ASB3: variants seen among roughly 807,000 people sequenced by gnomAD.
The protein encoded by ASB3 is ankyrin repeat and SOCS box protein 3.
In ASB3, 41 loss-of-function variants were observed where a neutral mutation model predicts 54.5. The observed-to-expected ratio is 0.75, with a 90% CI of 0.59 to 0.98. The LOEUF (loss-of-function observed/expected upper bound fraction) is 0.98, where lower values mean the gene tolerates loss of function less well. Among genes scored for constraint, ASB3 ranks in the 50% least tolerant of loss-of-function variants. The pLI, the probability that ASB3 is intolerant of heterozygous loss-of-function variation, is 0.00. For missense variants in ASB3, 733 were observed against 620.0 expected (o/e 1.18, Z -1.94); for synonymous variants, 266 against 221.2 (o/e 1.20, Z -1.80).
chr2:53,693,718 A>G (rs1353321926), intron 9 of ASB3, among the ~76,000 whole-genome samples, 166 bp downstream of exon 9: 1 of 152,146 alleles, frequency 6.6e-6, no homozygotes. Flanking sequence ...ACTGAAGGGA[A>G]TTACTAGCCA....
At chr2:53,745,034 C>G (rs946938626) in intron 3 of ASB3, among the ~76,000 whole-genome samples, 2 of 152,322 alleles carry the variant, frequency 1.3e-5, no homozygotes, top group South Asian at 4.1e-4. Flanking sequence ...TGAAATCACA[C>G]TAGTTTGGAT....
intron 3 of ASB3, among the ~76,000 whole-genome samples, chr2:53,745,342 G>A (rs1672165690): frequency 6.6e-6 from 1 of 152,156 alleles, no homozygotes; most frequent in African/African-American, 2.4e-5. Flanking sequence ...GTTCTGGAAG[G>A]ACAATATTCA....
chr2:53,699,110 T>C (rs1415843757), intron 8 of ASB3, among the ~76,000 whole-genome samples: 1 of 152,170 alleles, frequency 6.6e-6, no homozygotes, highest in Non-Finnish European at 1.5e-5. Flanking sequence ...ATGAGGGCCT[T>C]CTTGCTGTGT....
chr2:53,719,148 C>A (rs1670560271), intron 5 of ASB3, among the ~76,000 whole-genome samples: 2 of 152,258 alleles, frequency 1.3e-5, no homozygotes, highest in South Asian at 4.1e-4. Context: ...TGGTCTTGAT[C>A]TCTTGACCTC....
intron 3 of ASB3, among the ~76,000 whole-genome samples, chr2:53,739,190 A>G (rs962669409): frequency 2.6e-5 from 4 of 152,226 alleles, no homozygotes; most frequent in Non-Finnish European, 5.9e-5. Flanking sequence ...CTGGAAAAAC[A>G]TATCTTAGGT....
rs569601103 is a variant in ASB3, at chr2:53,767,817, A to G, written c.-13-2232T>C. The G allele has an allele frequency of 2.6e-6, 4 of 1,532,700 alleles. No homozygotes were observed. The African/African-American group carries it at 4.1e-5, about 16-fold the overall frequency. The allele number at this position is 1,532,700 out of a possible 1,614,324, so 94.9% of individuals were successfully genotyped here. A position where few individuals can be genotyped will look rare whatever the true frequency, so the allele number is the denominator to read the frequency against. On this transcript the variant is annotated intron_variant, in intron 1 of 9. Coordinates refer to ENST00000263634, the MANE Select transcript of ASB3 (RefSeq NM_016115.5). ...GCGCGGCCGGTTACTCGCTTACCGG[A>G]GGCTTCAGTCCCCGGCGGCGCGGCG...
At chr2:53,684,131 C>T (rs180884386) in intron 9 of ASB3, among the ~76,000 whole-genome samples, 16 of 152,298 alleles carry the variant, frequency 1.1e-4, no homozygotes, top group African/African-American at 3.6e-4. Flanking sequence ...ACACAGCTGA[C>T]ATGTAATCAA....
intron 9 of ASB3, among the ~76,000 whole-genome samples, chr2:53,691,211 T>C (rs1326952948): frequency 1.3e-5 from 2 of 152,202 alleles, no homozygotes; most frequent in African/African-American, 2.4e-5. Flanking sequence ...GCGTTGTTAC[T>C]TTTGTTTATA....
At chr2:53,709,547 A>G (rs1669975298) in intron 7 of ASB3, among the ~76,000 whole-genome samples, 1 of 152,212 alleles carries the variant, frequency 6.6e-6, no homozygotes, top group Admixed American at 6.5e-5. Context: ...TGAAGGCTGG[A>G]GGTGGAAAGA....
chr2:53,720,432 T>TGA (rs1670639752), intron 5 of ASB3, among the ~76,000 whole-genome samples: 1 of 152,102 alleles, frequency 6.6e-6, no homozygotes, highest in South Asian at 2.1e-4. Context: ...AGCAACACAG[T>TGA]GAGACCCCAT....
intron 5 of ASB3, among the ~76,000 whole-genome samples, chr2:53,722,397 T>G (rs1027892852): frequency 1.3e-5 from 2 of 152,112 alleles, no homozygotes; most frequent in Admixed American, 6.6e-5. Flanking sequence ...AGGCCAATAG[T>G]GCTGACGAAC....
intron 4 of ASB3, 24 bp from the exon 5 acceptor site, chr2:53,728,871 A>G: frequency 6.4e-7 from 1 of 1,557,922 alleles, no homozygotes; most frequent in Non-Finnish European, 8.7e-7. Context: ...TCACATTTTA[A>G]ATAAGAAAAA....
At position 53,754,687 on chromosome 2, in the gene ASB3, C is replaced by A. The variant is rs185438126; in HGVS notation, c.197-3746G>T. On this transcript the variant is annotated intron_variant, in intron 2 of 9. Coordinates refer to ENST00000263634, the MANE Select transcript of ASB3 (RefSeq NM_016115.5). ...AGGCTCAGGTTCCATAACAGTGAAA[C>A]GAGGATAAATTAGCTGGACCAACTC... Among the ~76,000 whole-genome samples the A allele has an allele frequency of 2.8e-3, 429 of 152,200 alleles. 4 individuals are homozygous for A. Among genetic ancestry groups the A allele is most frequent in the Admixed American group, 9.8e-3 (150 of 15,296 alleles).
intron 7 of ASB3, among the ~76,000 whole-genome samples, chr2:53,709,778 C>T (rs1669986598): frequency 1.3e-5 from 2 of 152,152 alleles, no homozygotes; most frequent in Admixed American, 6.5e-5. Context: ...CCTATTTGTG[C>T]TTTTGTACAG....
At chr2:53,779,525 C>A (rs529721119) in intron 1 of ASB3, among the ~76,000 whole-genome samples, 1 of 152,168 alleles carries the variant, frequency 6.6e-6, no homozygotes, top group Admixed American at 6.5e-5. Context: ...CAGCCTCAAC[C>A]TCCCAGGCTC....
intron 2 of ASB3, among the ~76,000 whole-genome samples, chr2:53,755,813 A>AT (rs1460302891): frequency 6.6e-6 from 1 of 152,186 alleles, no homozygotes; most frequent in Non-Finnish European, 1.5e-5. Flanking sequence ...CGAAACACAT[A>AT]TAACACCGAA....
intron 3 of ASB3, among the ~76,000 whole-genome samples, chr2:53,734,536 C>T (rs1671507521): frequency 6.6e-6 from 1 of 152,184 alleles, no homozygotes. Flanking sequence ...ATTCCAGGTA[C>T]TAGAGATACA....
Position 53,696,315 on chromosome 2 carries a change from C to T in ASB3, c.1239-2301G>A, listed in dbSNP as rs533860928. Among the ~76,000 whole-genome samples the T allele has an allele frequency of 1.3e-3, 205 of 152,242 alleles. 1 individual carries two copies. Among genetic ancestry groups the T allele is most frequent in the African/African-American group, 4.8e-3 (200 of 41,530 alleles). On this transcript the variant is annotated intron_variant, in intron 8 of 9. Transcript: ENST00000263634. ...TAGTTCTTAATTCTTTTCTATTTCACATATCCGATAAATACAGCACACACC... is the reference window on the plus strand; with the variant it reads ...TAGTTCTTAATTCTTTTCTATTTCATATATCCGATAAATACAGCACACACC...
chr2:53,671,280 A>G (rs1667797998), intron 9 of ASB3, among the ~76,000 whole-genome samples: 1 of 152,134 alleles, frequency 6.6e-6, no homozygotes, highest in Non-Finnish European at 1.5e-5. Context: ...ATTTAAAAAA[A>G]CAACTTTCCA....
Sources: allele counts gnomAD v4.1 joint callset (sites outside exome capture counted in the v4.1 genomes callset), GRCh38; gene constraint gnomAD v4.1.1; transcripts MANE v1.5; gene names NCBI Gene and HGNC (gene_info 2026-07-23, HGNC 2026-07-21).